KLHL28: variants seen among roughly 807,000 people sequenced by gnomAD.
KLHL28 encodes kelch like family member 28, also known as kelch-like protein 28.
A neutral mutation model predicts 48.3 loss-of-function variants in KLHL28; 22 were observed. That is an observed-to-expected ratio of 0.46 (90% CI 0.33 to 0.65). KLHL28 has a LOEUF of 0.65. Among genes scored for constraint, KLHL28 ranks in the 30% least tolerant of loss-of-function variants. The probability of loss-of-function intolerance (pLI) is 0.03; values close to 1 mark genes in which losing one functional copy is unlikely to be tolerated. For synonymous variants in KLHL28, 243 were observed against 242.4 expected (o/e 1.00, Z -0.02); for missense variants, 527 against 704.3 (o/e 0.75, Z 2.85).
At position 44,929,150 on chromosome 14, in the gene KLHL28, C is replaced by T. The variant is rs763609706; in HGVS notation, c.1594G>A (p.Gly532Ser). The T allele has an allele frequency of 6.2e-7, 1 of 1,612,510 alleles. No homozygotes were observed. The highest frequency in any genetic ancestry group is 8.5e-7 in the Non-Finnish European group (1 of 1,179,116). ...AGATAGGAAGACCCTGAGTGACCAC[C>T]GACGACATAAAGGTAGTTATCGATT... ...AVIDNYLYVV[G>S]GHSGSSYLNT... The change falls in exon 5 of 5, where the codon GGT becomes AGT. Residue 532 changes from glycine (G) to serine (S), a missense_variant. Coordinates refer to ENST00000396128, the MANE Select transcript of KLHL28 (RefSeq NM_017658.5).
intron 3 of KLHL28, among the ~76,000 whole-genome samples, chr14:44,933,691 T>C (rs1883680500): frequency 6.6e-6 from 1 of 152,282 alleles, no homozygotes. Context: ...CAGAAAGGAA[T>C]ATTTAAATAA....
intron 1 of KLHL28, among the ~76,000 whole-genome samples, chr14:44,949,366 G>T (rs542430100): frequency 6.6e-6 from 1 of 152,112 alleles, no homozygotes; most frequent in Admixed American, 6.5e-5. Flanking sequence ...TTATTTAGAA[G>T]ACTTGTAGAT....
At chr14:44,952,099 G>A (rs1245746160) in intron 1 of KLHL28, among the ~76,000 whole-genome samples, 1 of 151,992 alleles carries the variant, frequency 6.6e-6, no homozygotes, top group East Asian at 1.9e-4. Flanking sequence ...GGACTCAAAC[G>A]ATCACCCACC....
chr14:44,955,763 G>A (rs1884768842), intron 1 of KLHL28, among the ~76,000 whole-genome samples: 1 of 152,166 alleles, frequency 6.6e-6, no homozygotes, highest in African/African-American at 2.4e-5. Context: ...TCCAGCCTGG[G>A]AGACAGAGTG....
At chr14:44,931,860 T>A (rs1883601993) in intron 3 of KLHL28, among the ~76,000 whole-genome samples, 1 of 152,162 alleles carries the variant, frequency 6.6e-6, no homozygotes, top group African/African-American at 2.4e-5. Context: ...ACCTTAACCC[T>A]ACTGCTGTGG....
intron 1 of KLHL28, among the ~76,000 whole-genome samples, chr14:44,949,777 T>C (rs1423475439): frequency 1.3e-5 from 2 of 152,112 alleles, no homozygotes; most frequent in Non-Finnish European, 2.9e-5. Flanking sequence ...AAAAGACGCA[T>C]CTGTAGAACG....
At chr14:44,948,966 T>C (rs2138643806) in intron 1 of KLHL28, among the ~76,000 whole-genome samples, 1 of 152,170 alleles carries the variant, frequency 6.6e-6, no homozygotes, top group African/African-American at 2.4e-5. Flanking sequence ...ACAAGGAGAA[T>C]GGTAGACTAA....
In KLHL28 at chr14:44,930,744, A is replaced by G. The variant is rs530522416; in HGVS notation, c.1552+589T>C. Among the ~76,000 whole-genome samples, 20 of 152,354 alleles carry G rather than the reference A, an allele frequency of 1.3e-4. No individual in the cohort carries two copies. In the South Asian group the frequency reaches 4.1e-3, roughly 32 times the overall value. The stretch of plus-strand genomic sequence containing the variant: ...GTCCTAAGCATTTTGGATAGGAAAT[A>G]TTCAATCTGTATGAGGAGTGCTCCC... On this transcript the variant is annotated intron_variant, in intron 4 of 4. Transcript: ENST00000396128.
intron 4 of KLHL28, among the ~76,000 whole-genome samples, chr14:44,929,785 G>C (rs1883506334): frequency 6.6e-6 from 1 of 152,154 alleles, no homozygotes; most frequent in African/African-American, 2.4e-5. Context: ...CTGCACTCCT[G>C]CCTGGCTCGA....
chr14:44,942,047 T>C (rs1256132182), intron 2 of KLHL28, among the ~76,000 whole-genome samples: 1 of 152,208 alleles, frequency 6.6e-6, no homozygotes, highest in Non-Finnish European at 1.5e-5. Flanking sequence ...GAGCTCTTCT[T>C]TGAGCTGTGC....
At chr14:44,948,832 C>A (rs1434187147) in intron 1 of KLHL28, among the ~76,000 whole-genome samples, 1 of 152,042 alleles carries the variant, frequency 6.6e-6, no homozygotes, top group Non-Finnish European at 1.5e-5. Flanking sequence ...AACTCAAGAT[C>A]AAAAATTAAC....
chr14:44,956,683 C>T (rs1884806170), intron 1 of KLHL28, among the ~76,000 whole-genome samples: 1 of 152,176 alleles, frequency 6.6e-6, no homozygotes, highest in African/African-American at 2.4e-5. Flanking sequence ...ACGTATCAAT[C>T]AAATACAACC....
rs1383289871 is a variant in KLHL28 at position 44,924,963 on chromosome 14, T to C, written c.*4065A>G. The C allele has an allele frequency of 2.6e-5, 4 of 152,594 alleles. No homozygotes were observed. Among genetic ancestry groups the C allele is most frequent in the Admixed American group, 1.3e-4 (2 of 15,278 alleles). The allele number at this position is 152,594 out of a possible 1,614,324, so 9.5% of individuals were successfully genotyped here. On this transcript the variant is annotated 3_prime_UTR_variant, in exon 5 of 5. Coordinates refer to ENST00000396128, the MANE Select transcript of KLHL28 (RefSeq NM_017658.5). ...TAAAAATGTATTGTATTCCTCACTCTTTTCAAATGTGTATCAACACCAAAT... is the reference window on the plus strand; with the variant it reads ...TAAAAATGTATTGTATTCCTCACTCCTTTCAAATGTGTATCAACACCAAAT...
Position 44,924,934 on chromosome 14 carries a change from G to T in KLHL28, c.*4094C>A, listed in dbSNP as rs1883329137. ...CAGTAGGAAAATTTGTAAACCTATT[G>T]TATTAAAAATGTATTGTATTCCTCA... On this transcript the variant is annotated 3_prime_UTR_variant, in exon 5 of 5. Transcript: ENST00000396128. The T allele has an allele frequency of 6.6e-6, 1 of 152,518 alleles. No individual in the cohort carries two copies. The highest frequency in any genetic ancestry group is 2.4e-5 in the African/African-American group (1 of 41,436). 9.4% of individuals were successfully genotyped at this position (152,518 alleles called of 1,614,324 possible).
Position 44,960,051 on chromosome 14 carries a change from G to T in KLHL28, c.-1+1795C>A, listed in dbSNP as rs183030243. 5.9e-5 allele frequency among the ~76,000 whole-genome samples: 9 copies of T among 152,234 alleles called. No individual in the cohort carries two copies. The East Asian group carries it at 1.7e-3, about 29-fold the overall frequency. ...TCCCATTTCCTAAATATCCACTATG[G>T]AGACTAATGCCTCTTCTAAGTCTTC... On this transcript the variant is annotated intron_variant, in intron 1 of 4. Coordinates refer to ENST00000396128, the MANE Select transcript of KLHL28 (RefSeq NM_017658.5).
In KLHL28 at chr14:44,925,991, T is replaced by A. The variant is rs1472294023; in HGVS notation, c.*3037A>T. The A allele has an allele frequency of 6.6e-6, 1 of 152,202 alleles. No individual in the cohort carries two copies. Among genetic ancestry groups the A allele is most frequent in the Non-Finnish European group, 1.5e-5 (1 of 68,008 alleles). The allele number at this position is 152,202 out of a possible 1,614,324, so 9.4% of individuals were successfully genotyped here. A position where few individuals can be genotyped will look rare whatever the true frequency, so the allele number is the denominator to read the frequency against. On this transcript the variant is annotated 3_prime_UTR_variant, in exon 5 of 5. Transcript: ENST00000396128. Reference sequence around the variant, plus strand: ...TCTGGGAAATCTTAAATAGCTTTTCTCTTCTTGCCTGAATATGTAAAATTA... The same window carrying A: ...TCTGGGAAATCTTAAATAGCTTTTCACTTCTTGCCTGAATATGTAAAATTA...
chr14:44,958,209 A>C (rs1466177269), intron 1 of KLHL28, among the ~76,000 whole-genome samples: 1 of 151,988 alleles, frequency 6.6e-6, no homozygotes, highest in East Asian at 1.9e-4. Flanking sequence ...ACAGTAACTT[A>C]ACTTTAGGCT....
chr14:44,958,477 T>G (rs904029018), intron 1 of KLHL28, among the ~76,000 whole-genome samples: 3 of 152,112 alleles, frequency 2.0e-5, no homozygotes, highest in African/African-American at 7.2e-5. Flanking sequence ...TTCTATCACA[T>G]CTGCTCTTTT....
intron 1 of KLHL28, among the ~76,000 whole-genome samples, chr14:44,946,635 C>A (rs1171222264): frequency 6.6e-6 from 1 of 150,510 alleles, no homozygotes; most frequent in African/African-American, 2.5e-5. Flanking sequence ...TGGCTCACTG[C>A]AACCTCTGCC....
Sources: gnomAD v4.1 joint callset for allele counts (sites outside exome capture counted in the v4.1 genomes callset) on GRCh38, gnomAD v4.1.1 for gene constraint, MANE v1.5 for transcripts, NCBI Gene and HGNC (gene_info 2026-07-23, HGNC 2026-07-21) for gene names.